ACTR3C: variants seen among roughly 807,000 people sequenced by gnomAD.
ACTR3C encodes the protein actin related protein 3C.
In ACTR3C, 18 loss-of-function variants were observed where a neutral mutation model predicts 26.3. That is an observed-to-expected ratio of 0.68 (90% CI 0.47 to 1.01). ACTR3C has a LOEUF of 1.01. ACTR3C is among the 50% of genes least tolerant of loss of function. The pLI is 0.00. For synonymous variants in ACTR3C, 55 were observed against 94.5 expected (o/e 0.58, Z 2.42); for missense variants, 184 against 250.7 (o/e 0.73, Z 1.80).
chr7:149,922,970 C>CTTGTTTTTTTTTTTTTTTT, the ACTR3C span, among the ~76,000 whole-genome samples: 1 of 69,146 alleles, frequency 1.4e-5, no homozygotes, highest in African/African-American at 5.4e-5. Flanking sequence ...AAATAAAAGG[C>CTTGTTTTTTTTTTTTTTTT]TTTTTTTTTT....
chr7:150,044,130 A>G, the ACTR3C span, among the ~76,000 whole-genome samples: 1 of 152,170 alleles, frequency 6.6e-6, no homozygotes, highest in African/African-American at 2.4e-5. Context: ...ACACTGTATA[A>G]CCTTAAAAAA....
chr7:149,919,425 G>C, the ACTR3C span, among the ~76,000 whole-genome samples: 10 of 152,000 alleles, frequency 6.6e-5, no homozygotes, highest in South Asian at 2.1e-3. Context: ...ATTTTTAGTA[G>C]AGACGGGGTT....
chr7:149,983,542 T>C, the ACTR3C span, among the ~76,000 whole-genome samples: 1 of 149,666 alleles, frequency 6.7e-6, no homozygotes, highest in Admixed American at 6.7e-5. Flanking sequence ...CAAAATGGTG[T>C]AGCCACTTTG....
At chr7:150,290,944 T>C (rs1486462850) in intron 3 of ACTR3C, among the ~76,000 whole-genome samples, 2 of 151,896 alleles carry the variant, frequency 1.3e-5, no homozygotes, top group Non-Finnish European at 1.5e-5. Flanking sequence ...AACAGAAAAA[T>C]AAATTATGTA....
chr7:150,035,164 G>T, the ACTR3C span, among the ~76,000 whole-genome samples: 1 of 140,630 alleles, frequency 7.1e-6, no homozygotes, highest in East Asian at 2.1e-4. Context: ...TCCTAAGCCA[G>T]GGGGGGAAGA....
At chr7:150,019,230 T>TA in the ACTR3C span, among the ~76,000 whole-genome samples, 1 of 150,314 alleles carries the variant, frequency 6.7e-6, no homozygotes, top group African/African-American at 2.5e-5. Flanking sequence ...CTGTCGGAAA[T>TA]ATCTAAGTTT....
the ACTR3C span, among the ~76,000 whole-genome samples, chr7:150,183,696 C>CAAAAAAAAAAAAAAAAAAA: frequency 2.1e-5 from 1 of 48,046 alleles, no homozygotes; most frequent in African/African-American, 6.9e-5. Context: ...GTGGCTATGG[C>CAAAAAAAAAAAAAAAAAAA]AAAAAAAAAA....
chr7:150,103,413 A>G, the ACTR3C span, among the ~76,000 whole-genome samples: 1 of 152,010 alleles, frequency 6.6e-6, no homozygotes, highest in African/African-American at 2.4e-5. Context: ...AGGAAGCTCA[A>G]TCCCAAAGCC....
the ACTR3C span, among the ~76,000 whole-genome samples, chr7:150,136,559 A>T: frequency 2.0e-5 from 3 of 152,068 alleles, no homozygotes; most frequent in South Asian, 6.2e-4. Context: ...AATCCTAGCT[A>T]ATCAGGAGGC....
the ACTR3C span, among the ~76,000 whole-genome samples, chr7:150,136,655 G>A: frequency 6.8e-6 from 1 of 146,294 alleles, no homozygotes; most frequent in East Asian, 1.9e-4. Flanking sequence ...GGGCAACAGA[G>A]TGAGACTCCA....
chr7:150,270,932 C>A (rs958817998), intron 6 of ACTR3C, among the ~76,000 whole-genome samples: 1 of 152,064 alleles, frequency 6.6e-6, no homozygotes, highest in African/African-American at 2.4e-5. Context: ...TCTGGGGATG[C>A]TCCTCTGGAT....
the ACTR3C span, chr7:150,000,872 AT>A: frequency 7.2e-6 from 1 of 137,938 alleles, no homozygotes; most frequent in Non-Finnish European, 1.6e-5. Context: ...AGTGAAAGGG[AT>A]TGTCCTGTAG....
intron 1 of ACTR3C, among the ~76,000 whole-genome samples, chr7:150,314,139 G>A (rs1195893808): frequency 6.6e-6 from 1 of 152,154 alleles, no homozygotes; most frequent in East Asian, 1.9e-4. Flanking sequence ...TGGCACTGGG[G>A]CTGTATACGT....
At chr7:150,172,877 T>C in the ACTR3C span, among the ~76,000 whole-genome samples, 2 of 150,458 alleles carry the variant, frequency 1.3e-5, no homozygotes, top group Non-Finnish European at 2.9e-5. Context: ...ATTTTAGGGC[T>C]CCAAAATGAT....
chr7:150,078,645 C>T, the ACTR3C span, among the ~76,000 whole-genome samples: 1 of 151,920 alleles, frequency 6.6e-6, no homozygotes, highest in East Asian at 1.9e-4. Context: ...TTGGCCTTAA[C>T]AGCTGAGATA....
chr7:149,921,276 TCTC>T, the ACTR3C span, among the ~76,000 whole-genome samples: 1 of 152,172 alleles, frequency 6.6e-6, no homozygotes, highest in African/African-American at 2.4e-5. Flanking sequence ...TCTGGACTCT[TCTC>T]CCACAGCTTC....
chr7:150,265,144 A>G (rs1180901423), intron 6 of ACTR3C, among the ~76,000 whole-genome samples: 1 of 152,134 alleles, frequency 6.6e-6, no homozygotes, highest in Non-Finnish European at 1.5e-5. Context: ...AGACAATAAG[A>G]AAGAATTTGT....
chr7:150,250,060 G>A (rs1410836400), intron 6 of ACTR3C, among the ~76,000 whole-genome samples: 2 of 152,104 alleles, frequency 1.3e-5, no homozygotes, highest in Non-Finnish European at 2.9e-5. Context: ...CGGATGAGGG[G>A]TGGCTGGAGC....
the ACTR3C span, among the ~76,000 whole-genome samples, chr7:150,132,316 T>C: frequency 6.6e-6 from 1 of 152,248 alleles, no homozygotes; most frequent in African/African-American, 2.4e-5. Context: ...TCTCTGGATA[T>C]GCTAAAAACC....
Sources: allele counts gnomAD v4.1 joint callset (sites outside exome capture counted in the v4.1 genomes callset), GRCh38; gene constraint gnomAD v4.1.1; transcripts MANE v1.5; gene names NCBI Gene and HGNC (gene_info 2026-07-23, HGNC 2026-07-21).